Variants in MYLK observed in about 807,000 individuals in gnomAD.
MYLK encodes myosin light chain kinase, also known as myosin light chain kinase, smooth muscle.
MYLK carries 106 observed loss-of-function variants against 203.4 expected under a neutral mutation model. That is an observed-to-expected ratio of 0.52 (90% CI 0.45 to 0.61). The LOEUF (loss-of-function observed/expected upper bound fraction) is 0.61, where lower values mean the gene tolerates loss of function less well. Among genes scored for constraint, MYLK ranks in the 20% least tolerant of loss-of-function variants. The pLI is 0.00. For synonymous variants in MYLK, 867 were observed against 959.5 expected, an observed-to-expected ratio of 0.90 and a Z score of 1.78; for missense variants, 2,072 against 2,442.3, an observed-to-expected ratio of 0.85 and a Z score of 3.20.
intron 29 of MYLK, among the ~76,000 whole-genome samples, chr3:123,636,468 C>A (rs1208619030): frequency 6.6e-6 from 1 of 152,260 alleles, no homozygotes; most frequent in Non-Finnish European, 1.5e-5. Flanking sequence ...GGCAAGTCTC[C>A]ATGACGGCTG....
chr3:123,772,239 A>C (rs1162757949), intron 4 of MYLK, among the ~76,000 whole-genome samples: 2 of 152,190 alleles, frequency 1.3e-5, no homozygotes, highest in East Asian at 3.8e-4. Context: ...ATGGAATGTT[A>C]AAAAGCAACA....
At chr3:123,711,296 T>C (rs1308107606) in intron 13 of MYLK, among the ~76,000 whole-genome samples, 1 of 152,190 alleles carries the variant, frequency 6.6e-6, no homozygotes, top group Non-Finnish European at 1.5e-5. Flanking sequence ...AAAGGTTTCA[T>C]GTGTGTGCAT....
chr3:123,875,795 G>A (rs2033113574), intron 2 of MYLK, among the ~76,000 whole-genome samples: 1 of 152,258 alleles, frequency 6.6e-6, no homozygotes, highest in East Asian at 1.9e-4. Context: ...AGTAGAAACT[G>A]CCAAATTTAC....
At chr3:123,757,440 G>A (rs921104920) in intron 4 of MYLK, among the ~76,000 whole-genome samples, 1 of 152,166 alleles carries the variant, frequency 6.6e-6, no homozygotes, top group African/African-American at 2.4e-5. Context: ...CCACACAGCT[G>A]CAGGGCACAG....
intron 2 of MYLK, among the ~76,000 whole-genome samples, chr3:123,835,705 C>A (rs2066459761): frequency 1.3e-5 from 2 of 152,312 alleles, no homozygotes; most frequent in South Asian, 4.1e-4. Context: ...TCTGGCCACT[C>A]ATTCTCCTCC....
chr3:123,800,820 CT>C (rs2065170366), intron 3 of MYLK, among the ~76,000 whole-genome samples: 1 of 152,178 alleles, frequency 6.6e-6, no homozygotes, highest in Non-Finnish European at 1.5e-5. Context: ...GACCCCCTAC[CT>C]GCTTTCCCAG....
chr3:123,749,276 C>G (rs1247643285), intron 5 of MYLK, among the ~76,000 whole-genome samples: 1 of 147,778 alleles, frequency 6.8e-6, no homozygotes, highest in Non-Finnish European at 1.5e-5. Flanking sequence ...AAGACCTAGC[C>G]TCAAAAAAAA....
chr3:123,698,465 A>G (rs555171973), intron 18 of MYLK, among the ~76,000 whole-genome samples: 1 of 152,186 alleles, frequency 6.6e-6, no homozygotes, highest in South Asian at 2.1e-4. Flanking sequence ...AGGGTTTCCA[A>G]TCAGTTTTAC....
intron 4 of MYLK, among the ~76,000 whole-genome samples, chr3:123,789,659 CAAAAA>C (rs745766578): frequency 2.5e-5 from 2 of 78,702 alleles, no homozygotes; most frequent in East Asian, 5.7e-4. Context: ...GCTGGCAAAG[CAAAAA>C]AAAAAAAAAA....
At chr3:123,737,963 T>C (rs1237181218) in intron 7 of MYLK, among the ~76,000 whole-genome samples, 1 of 152,142 alleles carries the variant, frequency 6.6e-6, no homozygotes, top group Non-Finnish European at 1.5e-5. Context: ...CCCCTGGCCA[T>C]GACTCTACCT....
rs1320261007 is a variant in MYLK at position 123,612,919 on chromosome 3, GAA to G, written c.*1184_*1185del. On this transcript the variant is annotated 3_prime_UTR_variant, in exon 34 of 34. Coordinates refer to ENST00000360304, the MANE Select transcript of MYLK (RefSeq NM_053025.4). ...TATGACCTTCAAAAAGCTTTATAAA[GAA>G]AAAATTTAAGTGCCAATGTAGTGAA... 2.1e-5 allele frequency: 3 copies of G among 140,044 alleles called. No individual in the cohort carries two copies. The highest frequency in any genetic ancestry group is 4.4e-5 in the Non-Finnish European group (3 of 67,960). The allele number at this position is 140,044 out of a possible 1,614,324, so 8.7% of individuals were successfully genotyped here. A position where few individuals can be genotyped will look rare whatever the true frequency, so the allele number is the denominator to read the frequency against.
intron 20 of MYLK, among the ~76,000 whole-genome samples, chr3:123,677,918 T>TATATATATATATATATATATAC (rs1273803739): frequency 6.0e-4 from 47 of 78,844 alleles, no homozygotes; most frequent in South Asian, 1.7e-3. Flanking sequence ...TATATATATA[T>TATATATATATATATATATATAC]ACACACACAC....
chr3:123,626,551 G>A (rs935113020), intron 31 of MYLK, among the ~76,000 whole-genome samples: 3 of 152,176 alleles, frequency 2.0e-5, no homozygotes, highest in Admixed American at 6.5e-5. Flanking sequence ...ATCTGAATAA[G>A]GGTTTACGGT....
At chr3:123,697,961 GA>G (rs753445851) in intron 18 of MYLK, among the ~76,000 whole-genome samples, 2 of 152,102 alleles carry the variant, frequency 1.3e-5, no homozygotes, top group Non-Finnish European at 2.9e-5. Context: ...ACCACTAAGG[GA>G]CCAGCAGGGA....
intron 13 of MYLK, among the ~76,000 whole-genome samples, chr3:123,713,577 CAATGTGTGTGT>C (rs1178410557): frequency 6.0e-4 from 65 of 108,320 alleles, no homozygotes; most frequent in Admixed American, 1.2e-3. Context: ...AAGAGCAACA[CAATGTGTGTGT>C]GTGTGTGTGT....
chr3:123,631,333 G>C (rs2058411907), intron 29 of MYLK, among the ~76,000 whole-genome samples: 1 of 151,370 alleles, frequency 6.6e-6, no homozygotes, highest in Non-Finnish European at 1.5e-5. Flanking sequence ...TGGAGGTGGA[G>C]GTTGCAGTGA....
intron 4 of MYLK, among the ~76,000 whole-genome samples, chr3:123,773,833 C>G (rs546944704): frequency 1.3e-5 from 2 of 152,266 alleles, no homozygotes; most frequent in African/African-American, 4.8e-5. Flanking sequence ...GCCACGAAAA[C>G]GTTGCACTGG....
intron 11 of MYLK, among the ~76,000 whole-genome samples, chr3:123,727,320 C>T (rs1458738901): frequency 6.6e-6 from 1 of 152,068 alleles, no homozygotes; most frequent in African/African-American, 2.4e-5. Flanking sequence ...TCCATCCCTC[C>T]CCTTGGCCAG....
rs763629841 is a variant in MYLK, at chr3:123,738,939, G to A, written c.546C>T (p.Cys182=). ...GCGGTTGGGGCCGGCCAGTGATCTT[G>A]CAGGAGAATCGTCCCATCTGTCCTT... ...VKEGQMGRFS[C]KITGRPQPQV... Residue 182 remains cysteine (C), a synonymous_variant, in exon 7 of 34, where the codon TGC becomes TGT. Transcript: ENST00000360304. The A allele has an allele frequency of 6.2e-7, 1 of 1,612,964 alleles. No homozygotes were observed. Among genetic ancestry groups the A allele is most frequent in the South Asian group, 1.1e-5 (1 of 90,688 alleles).
Sources: gnomAD v4.1 joint callset for allele counts (sites outside exome capture counted in the v4.1 genomes callset) on GRCh38, gnomAD v4.1.1 for gene constraint, MANE v1.5 for transcripts, NCBI Gene and HGNC (gene_info 2026-07-23, HGNC 2026-07-21) for gene names.